Variants in GNG2 observed in about 807,000 individuals in gnomAD.
The protein encoded by GNG2 is G protein subunit gamma 2.
GNG2 carries 5 observed loss-of-function variants against 5.5 expected under a neutral mutation model. The observed-to-expected ratio is 0.91, with a 90% CI of 0.48 to 1.92. The LOEUF (loss-of-function observed/expected upper bound fraction) is 1.92, where lower values mean the gene tolerates loss of function less well. GNG2 is among the 30% of genes most tolerant of loss of function. The pLI is 0.01. For synonymous variants in GNG2, 28 were observed against 32.0 expected (o/e 0.88, Z 0.42); for missense variants, 55 against 88.4 (o/e 0.62, Z 1.52).
chr14:51,927,929 G>C (rs1887426531), intron 2 of GNG2, among the ~76,000 whole-genome samples: 1 of 151,466 alleles, frequency 6.6e-6, no homozygotes, highest in African/African-American at 2.4e-5. Context: ...TGTGTACTTA[G>C]AATCCTGAGG....
In GNG2 at chr14:51,966,822, A is replaced by G. The variant is rs1379621148; in HGVS notation, c.*135A>G. Reference sequence around the variant, plus strand: ...CCATTCTGGAAACTCTAGGCTATGCATGTTTAAAGATCTGGTCCCCTTTAT... The same window carrying G: ...CCATTCTGGAAACTCTAGGCTATGCGTGTTTAAAGATCTGGTCCCCTTTAT... On this transcript the variant is annotated 3_prime_UTR_variant, in exon 4 of 4. Transcript: ENST00000556766. The G allele has an allele frequency of 4.3e-6, 3 of 701,164 alleles. No individual in the cohort carries two copies. The highest frequency in any genetic ancestry group is 5.2e-5 in the East Asian group (2 of 38,378). 43.4% of individuals were successfully genotyped at this position (701,164 alleles called of 1,614,324 possible).
chr14:51,857,264 C>G (rs1027362440), upstream of GNG2, among the ~76,000 whole-genome samples: 16 of 152,144 alleles, frequency 1.1e-4, no homozygotes, highest in African/African-American at 2.9e-4. Context: ...TAGGGGTTTA[C>G]TAGCAGGCAA....
chr14:51,882,396 A>G (rs952420955), intron 2 of GNG2, among the ~76,000 whole-genome samples: 6 of 152,332 alleles, frequency 3.9e-5, no homozygotes, highest in African/African-American at 1.4e-4. Context: ...CTCATGTTAA[A>G]TTTCTACACC....
At chr14:51,945,329 A>G (rs545085991) in intron 2 of GNG2, among the ~76,000 whole-genome samples, 64 of 152,352 alleles carry the variant, frequency 4.2e-4, no homozygotes, top group African/African-American at 1.5e-3. Flanking sequence ...TGGTATATAC[A>G]TACAATGGAA....
At chr14:51,911,983 C>T (rs1383736049) in intron 2 of GNG2, among the ~76,000 whole-genome samples, 1 of 148,044 alleles carries the variant, frequency 6.8e-6, no homozygotes, top group Non-Finnish European at 1.5e-5. Context: ...AGGCACTGTT[C>T]TAGGTACTTT....
chr14:51,874,469 C>T lies in GNG2; in HGVS notation c.-70-3148C>T, dbSNP rs1033995187. On this transcript the variant is annotated intron_variant, in intron 1 of 3. Transcript: ENST00000556766. ...AGTCTGGCTGGGTGTATTTGGCTTA[C>T]GCCTGTAATCTCAGCACTTTAGGAG... Among the ~76,000 whole-genome samples, 5 of 149,088 alleles carry T rather than the reference C, an allele frequency of 3.4e-5. No individual in the cohort carries two copies. In the South Asian group the frequency reaches 6.4e-4, roughly 19 times the overall value.
At chr14:51,923,540 T>G (rs1047544484) in intron 2 of GNG2, among the ~76,000 whole-genome samples, 17 of 129,114 alleles carry the variant, frequency 1.3e-4, no homozygotes, top group African/African-American at 4.8e-4. Context: ...TATATACACA[T>G]ATACACATAT....
intron 2 of GNG2, among the ~76,000 whole-genome samples, chr14:51,846,180 T>A (rs113549945): frequency 1.3e-5 from 2 of 152,250 alleles, no homozygotes; most frequent in Non-Finnish European, 2.9e-5. Flanking sequence ...AATTTTAAAC[T>A]ACTTGACTCA....
At chr14:51,952,308 T>TC (rs1889022029) in intron 3 of GNG2, among the ~76,000 whole-genome samples, 2 of 152,232 alleles carry the variant, frequency 1.3e-5, no homozygotes, top group African/African-American at 4.8e-5. Context: ...TCTTCTTCTT[T>TC]CTTCATGACT....
At chr14:51,871,678 T>G (rs1883307224) in intron 1 of GNG2, among the ~76,000 whole-genome samples, 1 of 152,134 alleles carries the variant, frequency 6.6e-6, no homozygotes, top group Non-Finnish European at 1.5e-5. Flanking sequence ...TGCAGTAGAG[T>G]ATCTTTTATT....
At chr14:51,834,279 C>A (rs898563202) in intron 2 of GNG2, among the ~76,000 whole-genome samples, 2 of 152,226 alleles carry the variant, frequency 1.3e-5, no homozygotes, top group Admixed American at 6.5e-5. Context: ...TCCCCCAGAA[C>A]GCCCCAAGGC....
At position 51,881,967 on chromosome 14, in the gene GNG2, C is replaced by T. The variant is rs17124709; in HGVS notation, c.-30+4310C>T. Among the ~76,000 whole-genome samples, 1,212 of 152,174 alleles carry T rather than the reference C, an allele frequency of 8.0e-3. 11 individuals are homozygous for T. Among genetic ancestry groups the T allele is most frequent in the African/African-American group, 0.027 (1,141 of 41,522 alleles). The stretch of plus-strand genomic sequence containing the variant: ...CAATCCTGGTTTCATTTTGCTAAGA[C>T]TCGCCTCATTTCAGCTTCAAATCTT... On this transcript the variant is annotated intron_variant, in intron 2 of 3. Transcript: ENST00000556766.
intron 2 of GNG2, among the ~76,000 whole-genome samples, chr14:51,843,028 G>T (rs1466996150): frequency 6.6e-6 from 1 of 152,114 alleles, no homozygotes; most frequent in Non-Finnish European, 1.5e-5. Flanking sequence ...TAATCTTGTT[G>T]CCACTAAGGT....
At chr14:51,912,474 C>T (rs898554015) in intron 2 of GNG2, among the ~76,000 whole-genome samples, 1 of 152,124 alleles carries the variant, frequency 6.6e-6, no homozygotes, top group Non-Finnish European at 1.5e-5. Flanking sequence ...GCTGTTGCTA[C>T]GGCTGCCCTG....
chr14:51,836,856 CTTTTT>C (rs369095215), intron 2 of GNG2, among the ~76,000 whole-genome samples: 3 of 130,670 alleles, frequency 2.3e-5, no homozygotes, highest in Non-Finnish European at 1.6e-5. Context: ...GTGACTTCAT[CTTTTT>C]TTTTTTTTTT....
rs111622654 is a variant in GNG2 at position 51,951,935 on chromosome 14, G to A, written c.87+1170G>A. On this transcript the variant is annotated intron_variant, in intron 3 of 3. Coordinates refer to ENST00000556766, the MANE Select transcript of GNG2 (RefSeq NM_053064.5). ...CAGCGATGGTTCTCAGCTCATCTGT[G>A]CGTTCCCAACACCCAGAGAGCTCTA... 9.6e-3 allele frequency: 6,762 copies of A among 701,102 alleles called. 257 individuals carry two copies. The highest frequency in any genetic ancestry group is 0.093 in the African/African-American group (5,338 of 57,222). 43.4% of individuals were successfully genotyped at this position (701,102 alleles called of 1,614,324 possible).
intron 2 of GNG2, among the ~76,000 whole-genome samples, chr14:51,828,883 C>T (rs375061542): frequency 2.6e-5 from 4 of 152,276 alleles, no homozygotes; most frequent in East Asian, 3.9e-4. Flanking sequence ...ACTACCTCCC[C>T]GCTGCCTGGC....
At chr14:51,892,729 C>G (rs994020729) in intron 2 of GNG2, among the ~76,000 whole-genome samples, 1 of 152,202 alleles carries the variant, frequency 6.6e-6, no homozygotes, top group Non-Finnish European at 1.5e-5. Context: ...CCCCATGTAA[C>G]CAATGTTAAT....
intron 2 of GNG2, among the ~76,000 whole-genome samples, chr14:51,926,838 T>G (rs373615611): frequency 1.3e-3 from 195 of 152,340 alleles, no homozygotes; most frequent in African/African-American, 4.5e-3. Flanking sequence ...TAATTTTTCA[T>G]GGTTGTGTGA....
Sources: gnomAD v4.1 joint callset for allele counts (sites outside exome capture counted in the v4.1 genomes callset) on GRCh38, gnomAD v4.1.1 for gene constraint, MANE v1.5 for transcripts, NCBI Gene and HGNC (gene_info 2026-07-23, HGNC 2026-07-21) for gene names.